The following CNTLN variants were observed in gnomAD, a reference collection of about 807,000 sequenced individuals.
CNTLN encodes centlein.
CNTLN carries 212 observed loss-of-function variants against 180.0 expected under a neutral mutation model. The observed-to-expected ratio is 1.18, with a 90% CI of 1.05 to 1.32. The LOEUF (loss-of-function observed/expected upper bound fraction) is 1.32, where lower values mean the gene tolerates loss of function less well. Ranked by LOEUF, CNTLN falls within the 40% of genes most tolerant of loss-of-function variation. The probability of loss-of-function intolerance (pLI) is 0.00; values close to 1 mark genes in which losing one functional copy is unlikely to be tolerated. For synonymous variants in CNTLN, 722 were observed against 563.1 expected (o/e 1.28, Z -3.99); for missense variants, 2,095 against 1,610.9 (o/e 1.30, Z -5.14).
intron 2 of CNTLN, among the ~76,000 whole-genome samples, chr9:17,197,444 T>G (rs1250669143): frequency 1.3e-5 from 2 of 152,298 alleles, no homozygotes; most frequent in Admixed American, 1.3e-4. Context: ...CTAGGGTACA[T>G]GTGCACAGTG....
chr9:17,424,117 C>T (rs909282954), intron 18 of CNTLN, among the ~76,000 whole-genome samples: 1 of 152,098 alleles, frequency 6.6e-6, no homozygotes, highest in Non-Finnish European at 1.5e-5. Flanking sequence ...CCCTCAATCT[C>T]ATTTATTATT....
chr9:17,341,030 T>C (rs1821442230), intron 11 of CNTLN, 82 bp downstream of exon 11: 8 of 1,276,926 alleles, frequency 6.3e-6, no homozygotes. Flanking sequence ...TAATGGCTTT[T>C]GTTTGGTTTT....
At chr9:17,393,915 A>G (rs1260874861) in intron 14 of CNTLN, among the ~76,000 whole-genome samples, 1 of 152,154 alleles carries the variant, frequency 6.6e-6, no homozygotes, top group Non-Finnish European at 1.5e-5. Context: ...GCTATGTCCT[A>G]TAACACAAGC....
the CNTLN span, among the ~76,000 whole-genome samples, chr9:17,521,265 A>AAGAGAGAGAGAGAGAGAGAGAG: frequency 5.2e-3 from 622 of 118,572 alleles, 20 homozygotes; most frequent in African/African-American, 9.3e-3. Flanking sequence ...AAGGGAGAAA[A>AAGAGAGAGAGAGAGAGAGAGAG]AGAGAGAGAG....
chr9:17,415,931 A>G (rs1315216024), intron 17 of CNTLN, 35 bp from the exon 18 acceptor site: 2 of 1,587,956 alleles, frequency 1.3e-6, no homozygotes, highest in Admixed American at 3.5e-5. Flanking sequence ...TTTAAATCTA[A>G]TTTTTAAAAT....
chr9:17,522,939 G>C, the CNTLN span, among the ~76,000 whole-genome samples: 314 of 151,752 alleles, frequency 2.1e-3, 2 homozygotes, highest in African/African-American at 7.2e-3. Context: ...TTTCCAGAGA[G>C]TCACTGTCTT....
intron 2 of CNTLN, among the ~76,000 whole-genome samples, chr9:17,203,379 C>T (rs1268088729): frequency 1.3e-5 from 2 of 151,836 alleles, no homozygotes; most frequent in African/African-American, 2.4e-5. Context: ...GAATGTTGGC[C>T]TGTCTTGCTA....
chr9:17,451,343 C>T (rs1830766250), intron 18 of CNTLN, among the ~76,000 whole-genome samples: 1 of 152,108 alleles, frequency 6.6e-6, no homozygotes, highest in Non-Finnish European at 1.5e-5. Context: ...GCTGCCTGTA[C>T]TTAATTATGA....
Position 17,382,447 on chromosome 9 carries a change from A to G in CNTLN, c.1988-5715A>G, listed in dbSNP as rs74999743. Among the ~76,000 whole-genome samples, 355 of 152,332 alleles carry G rather than the reference A, an allele frequency of 2.3e-3. 3 individuals are homozygous for G. The highest frequency in any genetic ancestry group is 8.0e-3 in the African/African-American group (334 of 41,584). On this transcript the variant is annotated intron_variant, in intron 13 of 25. Transcript: ENST00000380647. Reference sequence around the variant, plus strand: ...AGGGAACATCTTGGGAACAAAAGGGAAAACCTTTTAGGCATATTCAGGTTT... The same window carrying G: ...AGGGAACATCTTGGGAACAAAAGGGGAAACCTTTTAGGCATATTCAGGTTT...
intron 2 of CNTLN, among the ~76,000 whole-genome samples, chr9:17,194,722 C>G (rs1418465799): frequency 6.6e-6 from 1 of 152,162 alleles, no homozygotes; most frequent in Non-Finnish European, 1.5e-5. Context: ...TTTCAGGTAT[C>G]TTTTAAGCAA....
At chr9:17,376,297 T>C (rs1824750245) in intron 13 of CNTLN, among the ~76,000 whole-genome samples, 1 of 152,114 alleles carries the variant, frequency 6.6e-6, no homozygotes. Context: ...AATGACTTTA[T>C]GTTTTTTTGA....
chr9:17,411,583 A>G (rs934104708), intron 16 of CNTLN, among the ~76,000 whole-genome samples: 4 of 152,190 alleles, frequency 2.6e-5, no homozygotes, highest in Non-Finnish European at 4.4e-5. Flanking sequence ...CTTACACAGC[A>G]GAAGGTGAGA....
At chr9:17,442,904 G>C (rs1272199489) in intron 18 of CNTLN, among the ~76,000 whole-genome samples, 1 of 152,036 alleles carries the variant, frequency 6.6e-6, no homozygotes, top group Admixed American at 6.6e-5. Flanking sequence ...CAATAAAAAA[G>C]GTAAAAATTT....
intron 2 of CNTLN, among the ~76,000 whole-genome samples, chr9:17,185,989 A>G (rs1245140675): frequency 6.6e-6 from 1 of 152,022 alleles, no homozygotes; most frequent in Non-Finnish European, 1.5e-5. Context: ...GGCAGGTCTC[A>G]CTGTGTTGCT....
At chr9:17,147,854 A>T (rs1563820632) in intron 2 of CNTLN, among the ~76,000 whole-genome samples, 1 of 152,152 alleles carries the variant, frequency 6.6e-6, no homozygotes, top group Non-Finnish European at 1.5e-5. Context: ...GGCTTTTTGG[A>T]TAAAGTTTGC....
chr9:17,144,699 G>A (rs1000043321), intron 2 of CNTLN, among the ~76,000 whole-genome samples: 4 of 151,478 alleles, frequency 2.6e-5, no homozygotes, highest in Non-Finnish European at 5.9e-5. Context: ...ATTAGACGTA[G>A]GTGTTCAAAA....
At chr9:17,462,381 A>G (rs966227106) in intron 19 of CNTLN, among the ~76,000 whole-genome samples, 2 of 151,784 alleles carry the variant, frequency 1.3e-5, no homozygotes, top group Non-Finnish European at 3.0e-5. Context: ...AAGAAGGGAA[A>G]GAGAGAAGCC....
At chr9:17,325,723 A>C (rs569118825) in intron 8 of CNTLN, among the ~76,000 whole-genome samples, 1 of 152,052 alleles carries the variant, frequency 6.6e-6, no homozygotes, top group Admixed American at 6.6e-5. Context: ...GGAATTCGTA[A>C]ATTTCTTAAA....
intron 2 of CNTLN, among the ~76,000 whole-genome samples, chr9:17,206,228 T>A (rs957329854): frequency 1.3e-5 from 2 of 152,200 alleles, no homozygotes; most frequent in Non-Finnish European, 2.9e-5. Context: ...GACTTTTTTT[T>A]AACCAAACCA....
Sources: allele counts gnomAD v4.1 joint callset (sites outside exome capture counted in the v4.1 genomes callset), GRCh38; gene constraint gnomAD v4.1.1; transcripts MANE v1.5; gene names NCBI Gene and HGNC (gene_info 2026-07-23, HGNC 2026-07-21).